Variants in OR8G5 observed in about 807,000 individuals in gnomAD.
The protein encoded by OR8G5 is olfactory receptor 8G5.
For missense variants in OR8G5, 347 were observed against 371.9 expected (o/e 0.93, Z 0.55); for synonymous variants, 147 against 147.7 (o/e 1.00, Z 0.03).
rs563471082 is a variant in OR8G5 at position 124,261,536 on chromosome 11, G to A, written c.-14-3382G>A. Among the ~76,000 whole-genome samples, 7 of 151,966 alleles carry A rather than the reference G, an allele frequency of 4.6e-5. No homozygotes were observed. In the South Asian group the frequency reaches 1.5e-3, roughly 32 times the overall value. On this transcript the variant is annotated intron_variant, in intron 1 of 1. Coordinates refer to ENST00000641992, the MANE Select transcript of OR8G5 (RefSeq NM_001005198.2). Reference sequence around the variant, plus strand: ...GCATTCCATAGCAATAAAGATTTTGGTAAAGATTCAACTACTAAAGGAAGA... The same window carrying A: ...GCATTCCATAGCAATAAAGATTTTGATAAAGATTCAACTACTAAAGGAAGA...
intron 1 of OR8G5, among the ~76,000 whole-genome samples, chr11:124,258,547 A>G (rs1048125193): frequency 6.6e-6 from 1 of 152,104 alleles, no homozygotes; most frequent in African/African-American, 2.4e-5. Flanking sequence ...AACAAGAGCG[A>G]GCGAGACTCC....
rs952148056 is a variant in OR8G5 at position 124,266,048 on chromosome 11, A to G, written c.*181A>G. The G allele has an allele frequency of 4.6e-5, 34 of 746,078 alleles. No homozygotes were observed. In the South Asian group the frequency reaches 6.3e-4, roughly 14 times the overall value. The allele number at this position is 746,078 out of a possible 1,614,324, so 46.2% of individuals were successfully genotyped here. ...CCATTTCCCTCTCATTTTTTCTCTC[A>G]TAAGGATTACGAAGACATGATATTT... On this transcript the variant is annotated 3_prime_UTR_variant, in exon 2 of 2. Transcript: ENST00000641992.
chr11:124,259,265 C>G (rs933637399), intron 1 of OR8G5, among the ~76,000 whole-genome samples: 2 of 151,984 alleles, frequency 1.3e-5, no homozygotes, highest in African/African-American at 4.8e-5. Context: ...TTAAACAACA[C>G]AAACAGGATA....
chr11:124,264,831 T>A, intron 1 of OR8G5, 87 bp from the exon 2 acceptor site: 1 of 1,535,566 alleles, frequency 6.5e-7, no homozygotes. Flanking sequence ...AGTTAAATGA[T>A]CATATATAAA....
chr11:124,259,192 C>A (rs1861941445), intron 1 of OR8G5, among the ~76,000 whole-genome samples: 1 of 152,202 alleles, frequency 6.6e-6, no homozygotes, highest in Non-Finnish European at 1.5e-5. Context: ...GAGGTCAGAT[C>A]TCTAAACCTC....
intron 1 of OR8G5, among the ~76,000 whole-genome samples, chr11:124,262,579 A>G (rs773108859): frequency 2.6e-5 from 4 of 152,024 alleles, no homozygotes; most frequent in Admixed American, 6.6e-5. Flanking sequence ...ATTGCAAAGA[A>G]ACATAATGTT....
chr11:124,260,066 C>T (rs572048490), intron 1 of OR8G5, among the ~76,000 whole-genome samples: 3 of 152,118 alleles, frequency 2.0e-5, no homozygotes, highest in African/African-American at 7.2e-5. Flanking sequence ...TATCTTGACT[C>T]CCCTTTGATA....
intron 1 of OR8G5, among the ~76,000 whole-genome samples, chr11:124,258,925 G>A (rs1357237048): frequency 6.6e-6 from 1 of 152,090 alleles, no homozygotes; most frequent in Non-Finnish European, 1.5e-5. Flanking sequence ...AATAAGCTAT[G>A]AATTTTCAAT....
At chr11:124,263,689 A>G (rs2137760678) in intron 1 of OR8G5, among the ~76,000 whole-genome samples, 1 of 151,380 alleles carries the variant, frequency 6.6e-6, no homozygotes, top group South Asian at 2.1e-4. Context: ...CTTTTCCAAG[A>G]TATCAAGGAT....
At position 124,265,222 on chromosome 11, in the gene OR8G5, C is replaced by T. The variant is rs937525460; in HGVS notation, c.291C>T (p.Cys97=). Residue 97 remains cysteine, a synonymous_variant, in exon 2 of 2, where the codon TGC becomes TGT. Coordinates refer to ENST00000641992, the MANE Select transcript of OR8G5 (RefSeq NM_001005198.2). ...TEKNIISYPE[C]MTQLYFFLVF... Reference sequence around the variant, plus strand: ...AGAACATCATCTCCTACCCTGAATGCATGACTCAGCTCTACTTCTTCCTCG... The same window carrying T: ...AGAACATCATCTCCTACCCTGAATGTATGACTCAGCTCTACTTCTTCCTCG... 1.1e-5 allele frequency: 17 copies of T among 1,613,924 alleles called. No homozygotes were observed. The African/African-American group carries it at 1.5e-4, about 14-fold the overall frequency.
intron 1 of OR8G5, among the ~76,000 whole-genome samples, chr11:124,264,067 G>C (rs905542259): frequency 6.6e-6 from 1 of 151,858 alleles, no homozygotes; most frequent in South Asian, 2.1e-4. Context: ...ATTTTTACAC[G>C]CTTAATAGAC....
chr11:124,265,556 G>A lies in OR8G5; in HGVS notation c.625G>A (p.Val209Ile). Residue 209 changes from valine to isoleucine, a missense_variant, in exon 2 of 2, where the codon GTC becomes ATC. By Grantham distance (29) the Val-to-Ile change is conservative. Transcript: ENST00000641992. ...ILIFSGINIL[V>I]PSLTILSSYI... ...AATCTTTAGTGGAATTAACATCCTT[G>A]TCCCCAGCCTGACCATCCTCAGCTC... 1.2e-6 allele frequency: 2 copies of A among 1,613,848 alleles called. No individual in the cohort carries two copies. Among genetic ancestry groups the A allele is most frequent in the Non-Finnish European group, 8.5e-7 (1 of 1,179,832 alleles).
chr11:124,256,985 C>G (rs189470147), intron 1 of OR8G5, among the ~76,000 whole-genome samples: 1 of 152,190 alleles, frequency 6.6e-6, no homozygotes, highest in East Asian at 1.9e-4. Flanking sequence ...TGAAAGAAAA[C>G]AAATGTTTGC....
chr11:124,263,241 AC>A (rs1346246540), intron 1 of OR8G5, among the ~76,000 whole-genome samples: 1 of 152,110 alleles, frequency 6.6e-6, no homozygotes, highest in Non-Finnish European at 1.5e-5. Flanking sequence ...CATATGTGTT[AC>A]CTTGAGCTTG....
chr11:124,265,537 T>C lies in OR8G5; in HGVS notation c.606T>C (p.Phe202=), dbSNP rs376295963. 3.7e-6 allele frequency: 6 copies of C among 1,613,836 alleles called. No individual in the cohort carries two copies. The highest frequency in any genetic ancestry group is 2.5e-6 in the Non-Finnish European group (3 of 1,179,824). ...TYINELLILI[F]SGINILVPSL... ...TTAATGAGTTACTGATTTTAATCTT[T>C]AGTGGAATTAACATCCTTGTCCCCA... The change falls in exon 2 of 2, where the codon TTT becomes TTC. Residue 202 remains phenylalanine (F), a synonymous_variant. Coordinates refer to ENST00000641992, the MANE Select transcript of OR8G5 (RefSeq NM_001005198.2).
intron 1 of OR8G5, among the ~76,000 whole-genome samples, chr11:124,264,189 G>A (rs976818015): frequency 1.3e-5 from 2 of 152,138 alleles, no homozygotes; most frequent in Non-Finnish European, 2.9e-5. Flanking sequence ...ATGACACAAA[G>A]AGGCTATTTT....
chr11:124,266,064 C>A lies in OR8G5; in HGVS notation c.*197C>A. ...TTTTCTCTCATAAGGATTACGAAGA[C>A]ATGATATTTTCTTAGAAGAAATAAT... is the stretch of plus-strand genomic sequence containing the variant. On this transcript the variant is annotated 3_prime_UTR_variant, in exon 2 of 2. Transcript: ENST00000641992. The A allele has an allele frequency of 1.6e-6, 1 of 636,774 alleles. No individual in the cohort carries two copies. The highest frequency in any genetic ancestry group is 2.5e-6 in the Non-Finnish European group (1 of 403,246). 39.4% of individuals were successfully genotyped at this position (636,774 alleles called of 1,614,324 possible). A position where few individuals can be genotyped will look rare whatever the true frequency, so the allele number is the denominator to read the frequency against.
In OR8G5 at chr11:124,265,936, C is replaced by G. The variant is rs117101847; in HGVS notation, c.*69C>G. 6.8e-7 allele frequency: 1 copy of G among 1,472,130 alleles called. No homozygotes were observed. Among genetic ancestry groups the G allele is most frequent in the East Asian group, 2.4e-5 (1 of 40,976 alleles). 91.2% of individuals were successfully genotyped at this position (1,472,130 alleles called of 1,614,324 possible). On this transcript the variant is annotated 3_prime_UTR_variant, in exon 2 of 2. Coordinates refer to ENST00000641992, the MANE Select transcript of OR8G5 (RefSeq NM_001005198.2). ...GCTATGATATTGTATGAAATGATGT[C>G]TTTCACTTTAGTGCATCTGTCAACA...
rs142928089 is a variant in OR8G5, at chr11:124,265,998, T to C, written c.*131T>C. 1 of 1,137,170 alleles carries C rather than the reference T, an allele frequency of 8.8e-7. No homozygotes were observed. The highest frequency in any genetic ancestry group is 2.6e-5 in the East Asian group (1 of 38,642). 70.4% of individuals were successfully genotyped at this position (1,137,170 alleles called of 1,614,324 possible). On this transcript the variant is annotated 3_prime_UTR_variant, in exon 2 of 2. Transcript: ENST00000641992. Reference sequence around the variant, plus strand: ...TTGGGGGGATTTTACTGACGTTATGTCTTATGCACATGGTCTATTTCATGC... The same window carrying C: ...TTGGGGGGATTTTACTGACGTTATGCCTTATGCACATGGTCTATTTCATGC...
Sources: allele counts gnomAD v4.1 joint callset (sites outside exome capture counted in the v4.1 genomes callset), GRCh38; gene constraint gnomAD v4.1.1; transcripts MANE v1.5; gene names NCBI Gene and HGNC (gene_info 2026-07-23, HGNC 2026-07-21).